The following CTSB variants were observed in gnomAD, a reference collection of about 807,000 sequenced individuals.
The protein encoded by CTSB is cathepsin B, also known as APP secretase.
CTSB carries 57 observed loss-of-function variants against 44.3 expected under a neutral mutation model. The observed-to-expected ratio is 1.29, with a 90% CI of 1.04 to 1.60. The LOEUF is 1.60. Ranked by LOEUF, CTSB falls within the 40% of genes most tolerant of loss-of-function variation. The probability of loss-of-function intolerance (pLI) is 0.00; values close to 1 mark genes in which losing one functional copy is unlikely to be tolerated. For synonymous variants in CTSB, 320 were observed against 168.0 expected (o/e 1.91, Z -7.00); for missense variants, 768 against 443.0 (o/e 1.73, Z -6.59).
intron 7 of CTSB, among the ~76,000 whole-genome samples, 153 bp from the exon 8 acceptor site, chr8:11,847,321 TGAA>T (rs1813583702): frequency 6.6e-6 from 1 of 151,976 alleles, no homozygotes; most frequent in African/African-American, 2.4e-5. Flanking sequence ...AAGGCTCCCC[TGAA>T]GAACTAAGGA....
intron 4 of CTSB, among the ~76,000 whole-genome samples, chr8:11,850,438 A>AAAAAAAAAAAAAAAAAAAC (rs1814359729): frequency 1.4e-5 from 1 of 69,012 alleles, no homozygotes; most frequent in Admixed American, 1.5e-4. Context: ...AAAAAAAAAA[A>AAAAAAAAAAAAAAAAAAAC]AAAGAAAGAA....
intron 3 of CTSB, among the ~76,000 whole-genome samples, chr8:11,851,904 T>TG (rs1170935087): frequency 6.6e-6 from 1 of 152,044 alleles, no homozygotes; most frequent in African/African-American, 2.4e-5. Context: ...TGACCTCAGG[T>TG]GATCCGCTTG....
intron 4 of CTSB, 99 bp from the exon 5 acceptor site, chr8:11,849,263 G>C: frequency 1.2e-6 from 1 of 841,884 alleles, no homozygotes; most frequent in Non-Finnish European, 1.9e-6. Flanking sequence ...AGACCTTGTA[G>C]GCAACTGATC....
chr8:11,853,085 A>G (rs551708204), intron 2 of CTSB, among the ~76,000 whole-genome samples: 2 of 151,832 alleles, frequency 1.3e-5, no homozygotes, highest in Non-Finnish European at 1.5e-5. Flanking sequence ...TCCCCCACAC[A>G]CCTCCACGTG....
At chr8:11,857,351 C>T (rs955351125) in intron 1 of CTSB, among the ~76,000 whole-genome samples, 2 of 152,150 alleles carry the variant, frequency 1.3e-5, no homozygotes, top group South Asian at 2.1e-4. Flanking sequence ...TCCCCTTTTC[C>T]GTGACTCGTG....
At position 11,847,808 on chromosome 8, in the gene CTSB, A is replaced by C. The variant is rs763877473; in HGVS notation, c.547T>G (p.Ser183Ala). 6.3e-7 allele frequency: 1 copy of C among 1,597,426 alleles called. No individual in the cohort carries two copies. Among genetic ancestry groups the C allele is most frequent in the East Asian group, 2.2e-5 (1 of 44,774 alleles). The part of the protein sequence containing the change: ...YESHVGCRPY[S>A]IPPCEHHVNG... The stretch of plus-strand genomic sequence containing the variant: ...ACGTGGTGCTCACAGGGAGGGATGG[A>C]GTACGGTCTGCACCCTGATGGGACG... Residue 183 changes from serine to alanine, a missense_variant, in exon 7 of 10, where the codon TCC (serine) becomes GCC (alanine). By Grantham distance (99) the Ser-to-Ala change is moderately conservative (BLOSUM62 1). Coordinates refer to ENST00000353047, the MANE Select transcript of CTSB (RefSeq NM_001908.5).
At chr8:11,861,199 CCATGGAGCAGGCT>C in intron 1 of CTSB, among the ~76,000 whole-genome samples, 1 of 152,340 alleles carries the variant, frequency 6.6e-6, no homozygotes, top group Non-Finnish European at 1.5e-5. Flanking sequence ...CCCATCTGTC[CCATGGAGCAGGCT>C]CCCTGCAGCT....
At position 11,845,328 on chromosome 8, in the gene CTSB, T is replaced by C. The variant is rs1468960862; in HGVS notation, c.923-106A>G. 5.7e-6 allele frequency: 5 copies of C among 870,914 alleles called. No homozygotes were observed. In the African/African-American group the frequency reaches 8.3e-5, roughly 15 times the overall value. 53.9% of individuals were successfully genotyped at this position (870,914 alleles called of 1,614,324 possible). A position where few individuals can be genotyped will look rare whatever the true frequency, so the allele number is the denominator to read the frequency against. On this transcript the variant is annotated intron_variant, in intron 9 of 9. Coordinates refer to ENST00000353047, the MANE Select transcript of CTSB (RefSeq NM_001908.5). ...GTCACTCATCCCTGGCCACTCCTGC[T>C]GTTGGCCCACTAGCACAGTCCTCAA...
chr8:11,860,898 C>T (rs143308449), intron 1 of CTSB, among the ~76,000 whole-genome samples: 175 of 152,318 alleles, frequency 1.1e-3, no homozygotes, highest in Admixed American at 2.0e-3. Context: ...AAGACTTCGG[C>T]GAGTTTCATC....
At chr8:11,863,988 A>G (rs1239187180) in intron 1 of CTSB, among the ~76,000 whole-genome samples, 1 of 152,192 alleles carries the variant, frequency 6.6e-6, no homozygotes, top group Non-Finnish European at 1.5e-5. Flanking sequence ...GCATGGGATA[A>G]TAGTGAACAC....
chr8:11,850,186 C>G (rs894169246), intron 4 of CTSB: 14 of 151,944 alleles, frequency 9.2e-5, no homozygotes, highest in Admixed American at 7.2e-4. Context: ...TTTGCGAGGC[C>G]GAGGAAGGCA....
At chr8:11,849,222 C>G in intron 4 of CTSB, 58 bp from the exon 5 acceptor site, 4 of 1,442,398 alleles carry the variant, frequency 2.8e-6, no homozygotes, top group Non-Finnish European at 3.9e-6. Flanking sequence ...CCCTCTGCAG[C>G]AGTCCCCTCA....
intron 1 of CTSB, among the ~76,000 whole-genome samples, chr8:11,858,479 G>A (rs946327532): frequency 6.6e-6 from 1 of 151,902 alleles, no homozygotes; most frequent in African/African-American, 2.4e-5. Flanking sequence ...TTGTAGAGAT[G>A]GGGTTTTGCT....
At chr8:11,859,631 G>A (rs1031959638) in intron 1 of CTSB, among the ~76,000 whole-genome samples, 7 of 151,816 alleles carry the variant, frequency 4.6e-5, no homozygotes, top group East Asian at 3.9e-4. Flanking sequence ...AGCCAGGCAC[G>A]GTGGTGGGTG....
intron 1 of CTSB, among the ~76,000 whole-genome samples, chr8:11,865,828 G>GAA (rs548713685): frequency 1.8e-4 from 25 of 142,686 alleles, no homozygotes; most frequent in African/African-American, 5.7e-4. Flanking sequence ...CTAACATGGT[G>GAA]AAAGCCCGTC....
At chr8:11,847,245 G>A in intron 7 of CTSB, 77 bp from the exon 8 acceptor site, 2 of 912,474 alleles carry the variant, frequency 2.2e-6, no homozygotes, top group South Asian at 2.8e-5. Flanking sequence ...GCCAGTCACT[G>A]ATTTCTGGTG....
At chr8:11,849,200 G>A (rs377550061) in intron 4 of CTSB, 36 bp from the exon 5 acceptor site, 3 of 1,572,930 alleles carry the variant, frequency 1.9e-6, no homozygotes, top group East Asian at 4.5e-5. Context: ...AGGCTGCCAT[G>A]TCCGGGCTGG....
Position 11,849,092 on chromosome 8 carries a change from A to C in CTSB, c.400T>G (p.Ser134Ala). 6.2e-7 allele frequency: 1 copy of C among 1,613,588 alleles called. No individual in the cohort carries two copies. The highest frequency in any genetic ancestry group is 8.5e-7 in the Non-Finnish European group (1 of 1,179,860). ...CAGCATGTGAGCAGGTCCTCCGCCG[A>C]CACCTCCACGCTGACGTGCGCATTG... ...HTNAHVSVEV[S>A]AEDLLTCCGS... The change falls in exon 5 of 10, where the codon TCG becomes GCG. Residue 134 changes from serine to alanine, a missense_variant. Physicochemically the swap from Ser to Ala is moderately conservative, Grantham distance 99 (BLOSUM62 1). Coordinates refer to ENST00000353047, the MANE Select transcript of CTSB (RefSeq NM_001908.5).
At chr8:11,847,328 C>T (rs534577229) in intron 7 of CTSB, among the ~76,000 whole-genome samples, 160 bp from the exon 8 acceptor site, 1 of 152,228 alleles carries the variant, frequency 6.6e-6, no homozygotes, top group East Asian at 1.9e-4. Context: ...CCCTGAAGAA[C>T]TAAGGACAGG....
Sources: allele counts gnomAD v4.1 joint callset (sites outside exome capture counted in the v4.1 genomes callset), GRCh38; gene constraint gnomAD v4.1.1; transcripts MANE v1.5; gene names NCBI Gene and HGNC (gene_info 2026-07-23, HGNC 2026-07-21).